Variants in ARID2 observed in about 807,000 individuals in gnomAD.
The protein encoded by ARID2 is AT-rich interactive domain-containing protein 2.
Under a neutral mutation model 184.6 loss-of-function variants are expected in ARID2, and 32 were observed. The ratio of observed to expected loss-of-function variants is 0.17; its 90% CI spans 0.13 to 0.23. The LOEUF is 0.23. Ranked by LOEUF, ARID2 falls within the 10% of genes least tolerant of loss-of-function variation. The probability of loss-of-function intolerance (pLI) is 1.00; values close to 1 mark genes in which losing one functional copy is unlikely to be tolerated. For missense variants in ARID2, 1,696 were observed against 2,197.6 expected (o/e 0.77, Z 4.56); for synonymous variants, 836 against 772.6 (o/e 1.08, Z -1.36).
At chr12:45,765,890 T>C (rs1290480102) in intron 3 of ARID2, among the ~76,000 whole-genome samples, 1 of 152,204 alleles carries the variant, frequency 6.6e-6, no homozygotes, top group Non-Finnish European at 1.5e-5. Flanking sequence ...CATAACAAAT[T>C]AGTTTGCATT....
chr12:45,792,752 T>A (rs891980484), intron 3 of ARID2, among the ~76,000 whole-genome samples: 1 of 152,174 alleles, frequency 6.6e-6, no homozygotes, highest in African/African-American at 2.4e-5. Context: ...CAATTGAATG[T>A]TTTTTAAAAT....
intron 3 of ARID2, among the ~76,000 whole-genome samples, chr12:45,743,903 C>G (rs1455014301): frequency 6.6e-6 from 1 of 151,964 alleles, no homozygotes; most frequent in Non-Finnish European, 1.5e-5. Flanking sequence ...TTCATGTTTT[C>G]TTGTTATCAT....
intron 16 of ARID2, among the ~76,000 whole-genome samples, chr12:45,867,019 C>T (rs147613536): frequency 1.1e-3 from 166 of 152,036 alleles, no homozygotes; most frequent in African/African-American, 3.9e-3. Context: ...GGGGTGATCT[C>T]GGCTCACTGC....
intron 3 of ARID2, among the ~76,000 whole-genome samples, chr12:45,804,289 C>T (rs1056353426): frequency 3.9e-5 from 6 of 152,020 alleles, no homozygotes; most frequent in East Asian, 1.9e-4. Flanking sequence ...GCAAAGCATG[C>T]GGCTTCATTT....
At chr12:45,731,377 T>C (rs1940994579) in intron 3 of ARID2, 63 bp downstream of exon 3, 2 of 1,268,584 alleles carry the variant, frequency 1.6e-6, no homozygotes, top group African/African-American at 1.5e-5. Context: ...GATTTGTTTT[T>C]AGCAAAAACA....
Position 45,905,216 on chromosome 12 carries a change from A to G in ARID2, c.*138A>G. ...ATCTCCTCCCATGATGCTGAGAGGAAGCTTCGTATTCTGATCTCTGAGTGA... is the reference window on the plus strand; with the variant it reads ...ATCTCCTCCCATGATGCTGAGAGGAGGCTTCGTATTCTGATCTCTGAGTGA... On this transcript the variant is annotated 3_prime_UTR_variant, in exon 21 of 21. Coordinates refer to ENST00000334344, the MANE Select transcript of ARID2 (RefSeq NM_152641.4). The G allele has an allele frequency of 2.4e-6, 2 of 825,188 alleles. No homozygotes were observed. The highest frequency in any genetic ancestry group is 5.7e-5 in the East Asian group (2 of 34,904). 51.1% of individuals were successfully genotyped at this position (825,188 alleles called of 1,614,324 possible).
At chr12:45,831,515 G>A (rs1159752379) in intron 6 of ARID2, among the ~76,000 whole-genome samples, 1 of 152,056 alleles carries the variant, frequency 6.6e-6, no homozygotes, top group Non-Finnish European at 1.5e-5. Flanking sequence ...TCATTTCTTT[G>A]TGCTATAAAC....
rs138252675 is a variant in ARID2, at chr12:45,893,387, TTCTCTC to T, written c.5148-17_5148-12del. On this transcript the variant is annotated intron_variant, in intron 18 of 20. Transcript: ENST00000334344. ...CAGTCTGTCTGCAGTATCACGTTAA[TTCTCTC>T]TCTCTCTCTCTCTCTGATCAATTTA... The T allele has an allele frequency of 3.5e-5, 51 of 1,463,560 alleles. No homozygotes were observed. In the East Asian group the frequency reaches 8.2e-4, roughly 23 times the overall value. 90.7% of individuals were successfully genotyped at this position (1,463,560 alleles called of 1,614,324 possible).
At chr12:45,876,537 G>A (rs1264304205) in intron 16 of ARID2, among the ~76,000 whole-genome samples, 2 of 145,930 alleles carry the variant, frequency 1.4e-5, no homozygotes, top group Non-Finnish European at 1.5e-5. Flanking sequence ...GGCAACAAGA[G>A]CGAAACTCCA....
chr12:45,814,803 G>A (rs890888350), intron 4 of ARID2, among the ~76,000 whole-genome samples: 2 of 151,880 alleles, frequency 1.3e-5, no homozygotes, highest in African/African-American at 2.4e-5. Flanking sequence ...TTTTTAATTC[G>A]CCAAATGATT....
rs1207512341 is a variant in ARID2 at position 45,852,271 on chromosome 12, A to G, written c.4148A>G (p.Asn1383Ser). 3.1e-6 allele frequency: 5 copies of G among 1,614,006 alleles called. No individual in the cohort carries two copies. Among genetic ancestry groups the G allele is most frequent in the African/African-American group, 1.3e-5 (1 of 74,924 alleles). The change falls in exon 15 of 21, where the codon AAT (asparagine) becomes AGT (serine). Residue 1383 changes from asparagine (N) to serine (S), a missense_variant. Physicochemically the swap from Asn to Ser is conservative, Grantham distance 46. Transcript: ENST00000334344. ...SKNIPNHKTS[N>S]HVGNGEISPM... ...AACATTCCAAATCATAAAACTTCCA[A>G]TCATGTAGGAAATGGTGAGATATCT...
Position 45,839,449 on chromosome 12 carries a change from A to G in ARID2, c.1451A>G (p.Gln484Arg), listed in dbSNP as rs2138137386. The part of the protein sequence containing the change: ...SHQMLSEIRP[Q>R]AIEQVQTQTH... The stretch of plus-strand genomic sequence containing the variant: ...CAAATGTTATCTGAAATTAGGCCAC[A>G]AGCTATAGAGCAAGTCCAAACCCAG... Residue 484 changes from glutamine (Q) to arginine (R), a missense_variant, in exon 11 of 21, where the codon CAA becomes CGA. Gln to Arg is a conservative substitution (Grantham distance 43). Coordinates refer to ENST00000334344, the MANE Select transcript of ARID2 (RefSeq NM_152641.4). 10 of 1,614,158 alleles carry G rather than the reference A, an allele frequency of 6.2e-6. No individual in the cohort carries two copies. The highest frequency in any genetic ancestry group is 7.6e-6 in the Non-Finnish European group (9 of 1,180,010).
intron 6 of ARID2, 141 bp from the exon 7 acceptor site, chr12:45,836,448 G>C (rs903498244): frequency 1.4e-6 from 1 of 714,568 alleles, no homozygotes; most frequent in Non-Finnish European, 2.2e-6. Flanking sequence ...ACTCCCAGCT[G>C]CAAGTAATCC....
rs988758154 is a variant in ARID2, at chr12:45,907,787, A to G, written c.*2709A>G. On this transcript the variant is annotated 3_prime_UTR_variant, in exon 21 of 21. Transcript: ENST00000334344. ...CTATGTAAATAATATAGTCTACAACATAGAGACTGTATAATTCTGTGTTAT... is the reference window on the plus strand; with the variant it reads ...CTATGTAAATAATATAGTCTACAACGTAGAGACTGTATAATTCTGTGTTAT... The G allele has an allele frequency of 3.9e-5, 9 of 232,620 alleles. No homozygotes were observed. Among genetic ancestry groups the G allele is most frequent in the Non-Finnish European group, 6.8e-5 (8 of 117,528 alleles). 14.4% of individuals were successfully genotyped at this position (232,620 alleles called of 1,614,324 possible).
At chr12:45,747,866 A>C (rs968877573) in intron 3 of ARID2, among the ~76,000 whole-genome samples, 1 of 152,318 alleles carries the variant, frequency 6.6e-6, no homozygotes, top group Non-Finnish European at 1.5e-5. Context: ...CTACAATATG[A>C]GACTAGAGAG....
chr12:45,798,930 A>G (rs1453697639), intron 3 of ARID2, among the ~76,000 whole-genome samples: 2 of 151,578 alleles, frequency 1.3e-5, no homozygotes, highest in Non-Finnish European at 2.9e-5. Flanking sequence ...ATAATTACAT[A>G]TAAGTATAAT....
chr12:45,900,310 C>T (rs1361384709), intron 20 of ARID2, among the ~76,000 whole-genome samples: 2 of 152,184 alleles, frequency 1.3e-5, no homozygotes, highest in Non-Finnish European at 2.9e-5. Context: ...ATCCACCCAC[C>T]TTGGCCTCCC....
intron 16 of ARID2, among the ~76,000 whole-genome samples, chr12:45,879,332 C>T (rs1944063698): frequency 1.3e-5 from 2 of 152,094 alleles, no homozygotes; most frequent in African/African-American, 2.4e-5. Flanking sequence ...AGAGAACAGT[C>T]TGGGCATATT....
intron 4 of ARID2, among the ~76,000 whole-genome samples, chr12:45,813,458 T>TA (rs56373880): frequency 0.18 from 25,056 of 138,142 alleles, 2,295 homozygotes; most frequent in Admixed American, 0.23. Flanking sequence ...GCATGTGTTC[T>TA]AAAAAAAAAA....
Sources: allele counts gnomAD v4.1 joint callset (sites outside exome capture counted in the v4.1 genomes callset), GRCh38; gene constraint gnomAD v4.1.1; transcripts MANE v1.5; gene names NCBI Gene and HGNC (gene_info 2026-07-23, HGNC 2026-07-21).